HDAC5: variants seen among roughly 807,000 people sequenced by gnomAD.
HDAC5 encodes antigen NY-CO-9.
A neutral mutation model predicts 133.3 loss-of-function variants in HDAC5; 25 were observed. The ratio of observed to expected loss-of-function variants is 0.19; its 90% CI spans 0.14 to 0.26. HDAC5 has a LOEUF of 0.26. HDAC5 is among the 10% of genes least tolerant of loss of function. The pLI, the probability that HDAC5 is intolerant of heterozygous loss-of-function variation, is 1.00. For synonymous variants in HDAC5, 589 were observed against 610.8 expected, an observed-to-expected ratio of 0.96 and a Z score of 0.53; for missense variants, 1,041 against 1,460.5, an observed-to-expected ratio of 0.71 and a Z score of 4.68.
chr17:44,106,304 A>C (rs551641919), intron 3 of HDAC5, among the ~76,000 whole-genome samples: 27 of 152,332 alleles, frequency 1.8e-4, no homozygotes, highest in African/African-American at 5.3e-4. Context: ...GAAAGATCAC[A>C]GACCAAGTGG....
In HDAC5 at chr17:44,117,275, G is replaced by GTCC. The variant is rs1383117208; in HGVS notation, c.22+218_22+219insGGA. Among the ~76,000 whole-genome samples the GTCC allele has an allele frequency of 6.6e-6, 1 of 152,216 alleles. No homozygotes were observed. The highest frequency in any genetic ancestry group is 1.5e-5 in the Non-Finnish European group (1 of 68,034). ...TGAGAGGGCAAGCATGGGGGGCAGAGTAGGACCCATTGCCTTCCCAGGACC... is the reference window on the plus strand; with the variant it reads ...TGAGAGGGCAAGCATGGGGGGCAGAGTCCTAGGACCCATTGCCTTCCCAGGACC... On this transcript the variant is annotated intron_variant, in intron 2 of 26. Transcript: ENST00000682912. The surrounding 1 kb of genome is among the most constrained non-coding windows in gnomAD (Gnocchi z 4.2).
chr17:44,080,575 T>A lies in HDAC5; in HGVS notation c.2728-77A>T, dbSNP rs578185069. 8.6e-6 allele frequency: 13 copies of A among 1,517,802 alleles called. No individual in the cohort carries two copies. In the East Asian group the frequency reaches 2.7e-4, roughly 32 times the overall value. 94.0% of individuals were successfully genotyped at this position (1,517,802 alleles called of 1,614,324 possible). On this transcript the variant is annotated intron_variant, in intron 21 of 26. Transcript: ENST00000682912. ...CATTGCCCCTGCCCTCACCCCTGCCTCCAGATCTCACTCCACTGACCTCTG... is the reference window on the plus strand; with the variant it reads ...CATTGCCCCTGCCCTCACCCCTGCCACCAGATCTCACTCCACTGACCTCTG...
At chr17:44,082,476 A>G (rs2050440840) in intron 20 of HDAC5, 109 bp downstream of exon 20, 1 of 828,748 alleles carries the variant, frequency 1.2e-6, no homozygotes, top group Non-Finnish European at 2.0e-6. Context: ...CCCGAGGATG[A>G]GGACGACTGG....
At chr17:44,081,421 T>C (rs898533068) in intron 20 of HDAC5, 17 of 151,742 alleles carry the variant, frequency 1.1e-4, no homozygotes, top group African/African-American at 3.6e-4. Context: ...GGCCAATTTT[T>C]TTTGTATTTT....
chr17:44,095,658 G>GA (rs1372076137), intron 3 of HDAC5, among the ~76,000 whole-genome samples: 3 of 152,016 alleles, frequency 2.0e-5, no homozygotes. Context: ...TAATTACCCT[G>GA]AAAATGCCGC....
rs552994936 is a variant in HDAC5, at chr17:44,111,243, G to A, written c.23-443C>T. 1.1e-3 allele frequency: 306 copies of A among 288,176 alleles called. 9 individuals are homozygous for A. Among genetic ancestry groups the A allele is most frequent in the South Asian group, 8.5e-3 (255 of 30,152 alleles). The allele number at this position is 288,176 out of a possible 1,614,324, so 17.9% of individuals were successfully genotyped here. A position where few individuals can be genotyped will look rare whatever the true frequency, so the allele number is the denominator to read the frequency against. ...CCTCCTTCCCGAATGAGCCGCCGCC[G>A]GCAGCTGGCAGGAGACTGAAATAGC... On this transcript the variant is annotated intron_variant, in intron 2 of 26. Transcript: ENST00000682912.
rs1210613198 is a variant in HDAC5 at position 44,117,983 on chromosome 17, A to C, written c.-189-279T>G. 6.6e-6 allele frequency among the ~76,000 whole-genome samples: 1 copy of C among 152,174 alleles called. No individual in the cohort carries two copies. The highest frequency in any genetic ancestry group is 1.5e-5 in the Non-Finnish European group (1 of 68,020). The stretch of plus-strand genomic sequence containing the variant: ...GTCTACTGCCAGCTGGGGAGACCCT[A>C]TAGACTCCCAACAGTGCCTGCCATG... On this transcript the variant is annotated intron_variant, in intron 1 of 26. Transcript: ENST00000682912. This position sits in a 1 kb window ranked among gnomAD's most constrained non-coding sequence, Gnocchi z 4.2.
At chr17:44,109,232 T>C (rs1407324466) in intron 3 of HDAC5, among the ~76,000 whole-genome samples, 1 of 152,204 alleles carries the variant, frequency 6.6e-6, no homozygotes, top group Non-Finnish European at 1.5e-5. Context: ...GGGATTATTC[T>C]GCCTTCCAAG....
At position 44,100,768 on chromosome 17, in the gene HDAC5, A is replaced by AATAC. The variant is rs545334922; in HGVS notation, c.95-6938_95-6935dup. ...GACTCCGTCTCAAAATAAATAAATA[A>AATAC]ATACATACATACATACGTAATTTTT... is the stretch of plus-strand genomic sequence containing the variant. On this transcript the variant is annotated intron_variant, in intron 3 of 26. Transcript: ENST00000682912. 5.8e-3 allele frequency among the ~76,000 whole-genome samples: 878 copies of AATAC among 151,130 alleles called. 5 individuals carry two copies. Among genetic ancestry groups the AATAC allele is most frequent in the African/African-American group, 0.019 (791 of 41,232 alleles).
chr17:44,087,144 C>A (rs1440965726), intron 13 of HDAC5, among the ~76,000 whole-genome samples: 1 of 151,634 alleles, frequency 6.6e-6, no homozygotes, highest in Admixed American at 6.6e-5. Flanking sequence ...CATGCATACA[C>A]AGACACACAA....
At position 44,087,589 on chromosome 17, in the gene HDAC5, C is replaced by T. The variant is rs892687214; in HGVS notation, c.1707G>A (p.Leu569=). The T allele has an allele frequency of 5.6e-6, 9 of 1,614,000 alleles. No individual in the cohort carries two copies. Among genetic ancestry groups the T allele is most frequent in the Non-Finnish European group, 6.8e-6 (8 of 1,180,010 alleles). The change falls in exon 13 of 27, where the codon CTG becomes CTA. Residue 569 remains leucine (L), a synonymous_variant. Transcript: ENST00000682912. ...QQEVLLGEGA[L]TMPREGSTES... ...CTGTGGAGCCCTCCCGGGGCATGGT[C>T]AGGGCTCCCTCCCCCAGCAAGACCT... is the stretch of plus-strand genomic sequence containing the variant.
intron 3 of HDAC5, among the ~76,000 whole-genome samples, chr17:44,109,517 C>T (rs2052206167): frequency 6.6e-6 from 1 of 152,210 alleles, no homozygotes; most frequent in Non-Finnish European, 1.5e-5. Flanking sequence ...TGCATGGATA[C>T]CCTGCAGGGC....
Position 44,082,599 on chromosome 17 carries a change from G to A in HDAC5, c.2593C>T (p.Leu865Phe). 1.2e-6 allele frequency: 2 copies of A among 1,613,820 alleles called. No individual in the cohort carries two copies. The highest frequency in any genetic ancestry group is 1.7e-6 in the Non-Finnish European group (2 of 1,179,720). ...TCACTGCCTACCCAGTCCACGATGA[G>A]GACCTTGCCCACGTTCAACTTCTGC... is the stretch of plus-strand genomic sequence containing the variant. ...LQQKLNVGKV[L>F]IVDWDIHHGN... The change falls in exon 20 of 27, where the codon CTC becomes TTC. Residue 865 changes from leucine (L) to phenylalanine (F), a missense_variant. Physicochemically the swap from Leu to Phe is conservative, Grantham distance 22. Around this residue, in one of 9 missense-constraint regions of HDAC5, gnomAD observed 174 missense variants for 352.7 expected, o/e 0.49. Transcript: ENST00000682912.
chr17:44,091,873 G>C, intron 9 of HDAC5, 42 bp from the exon 10 acceptor site: 1 of 1,515,620 alleles, frequency 6.6e-7, no homozygotes, highest in Non-Finnish European at 8.8e-7. Context: ...AGTGCACAAA[G>C]GGGAGGCAAC....
intron 2 of HDAC5, 48 bp from the exon 3 acceptor site, chr17:44,110,848 A>ACGAGC: frequency 6.7e-7 from 1 of 1,488,318 alleles, no homozygotes; most frequent in Non-Finnish European, 9.3e-7. Flanking sequence ...CAGCATCTCC[A>ACGAGC]CGAGCCCCTG....
intron 2 of HDAC5, among the ~76,000 whole-genome samples, chr17:44,113,524 C>A (rs1460483407): frequency 6.6e-6 from 1 of 152,150 alleles, no homozygotes; most frequent in Non-Finnish European, 1.5e-5. Flanking sequence ...TAATGTCTAA[C>A]TTCAATCCTT....
chr17:44,103,531 C>T (rs1351860527), intron 3 of HDAC5, among the ~76,000 whole-genome samples: 1 of 152,146 alleles, frequency 6.6e-6, no homozygotes, highest in Non-Finnish European at 1.5e-5. Context: ...GGCAGAACAG[C>T]ACCCAACACC....
At chr17:44,104,439 G>A (rs548606629) in intron 3 of HDAC5, among the ~76,000 whole-genome samples, 18 of 152,354 alleles carry the variant, frequency 1.2e-4, no homozygotes, top group African/African-American at 4.1e-4. Context: ...TCCCACCAGA[G>A]GGAAGTCTTA....
Position 44,117,545 on chromosome 17 carries a change from T to A in HDAC5, c.-30A>T. 4 of 1,612,986 alleles carry A rather than the reference T, an allele frequency of 2.5e-6. No homozygotes were observed. The highest frequency in any genetic ancestry group is 2.5e-6 in the Non-Finnish European group (3 of 1,179,848). On this transcript the variant is annotated 5_prime_UTR_variant, in exon 2 of 27. Coordinates refer to ENST00000682912, the MANE Select transcript of HDAC5 (RefSeq NM_005474.5). The surrounding 1 kb of genome is among the most constrained non-coding windows in gnomAD (Gnocchi z 4.2). ...GCTCTGGGCCTGCAGGAAGCTGGCG[T>A]TGGGGGCTGGGACGGGAGGGGGTGG...
Sources: gnomAD v4.1 joint callset for allele counts (sites outside exome capture counted in the v4.1 genomes callset) on GRCh38, gnomAD v4.1.1 for gene constraint, gnomAD v4.1.1 regional missense constraint, Gnocchi (gnomAD v3.1) non-coding constraint, MANE v1.5 for transcripts, NCBI Gene and HGNC (gene_info 2026-07-23, HGNC 2026-07-21) for gene names.